The following OPCML variants were observed in gnomAD, a reference collection of about 807,000 sequenced individuals.
OPCML encodes the protein opioid binding protein/cell adhesion molecule like.
In OPCML, 13 loss-of-function variants were observed where a neutral mutation model predicts 37.8. The ratio of observed to expected loss-of-function variants is 0.34; its 90% CI spans 0.22 to 0.55. The LOEUF (loss-of-function observed/expected upper bound fraction) is 0.55. Among genes scored for constraint, OPCML ranks in the 20% least tolerant of loss-of-function variants. The probability of loss-of-function intolerance (pLI) is 0.91; values close to 1 mark genes in which losing one functional copy is unlikely to be tolerated. For missense variants in OPCML, 341 were observed against 435.6 expected (o/e 0.78, Z 1.93); for synonymous variants, 176 against 168.8 (o/e 1.04, Z -0.33).
intron 1 of OPCML, among the ~76,000 whole-genome samples, chr11:133,367,683 C>T (rs1393319910): frequency 6.6e-6 from 1 of 152,222 alleles, no homozygotes; most frequent in Non-Finnish European, 1.5e-5. Flanking sequence ...CAAATCCCAT[C>T]TGTTTCTACT....
intron 3 of OPCML, among the ~76,000 whole-genome samples, chr11:132,623,943 G>A (rs1352914650): frequency 2.6e-5 from 4 of 152,306 alleles, no homozygotes; most frequent in Middle Eastern, 3.4e-3. Context: ...ACCATTAGTC[G>A]TGTTGGATGG....
chr11:133,265,729 G>A (rs1377855543), intron 1 of OPCML, among the ~76,000 whole-genome samples: 1 of 152,140 alleles, frequency 6.6e-6, no homozygotes, highest in Non-Finnish European at 1.5e-5. Flanking sequence ...TACCACAGAC[G>A]CTGCCGGCGC....
At position 132,834,005 on chromosome 11, in the gene OPCML, G is replaced by A. The variant is rs762500129; in HGVS notation, c.146+108921C>T. ...AGAGATGCTAACTCTTGACCTATGG[G>A]TGCCCTTCTTATAGACAATTTTTGA... On this transcript the variant is annotated intron_variant, in intron 2 of 7. Transcript: ENST00000524381. Among the ~76,000 whole-genome samples the A allele has an allele frequency of 3.5e-4, 53 of 152,158 alleles. 1 individual carries two copies. Among genetic ancestry groups the A allele is most frequent in the Admixed American group, 2.6e-4 (4 of 15,282 alleles).
chr11:132,457,307 A>G (rs1484884741), intron 4 of OPCML, among the ~76,000 whole-genome samples: 1 of 152,224 alleles, frequency 6.6e-6, no homozygotes, highest in Non-Finnish European at 1.5e-5. Flanking sequence ...GATAGGTAAT[A>G]AGACCAATAA....
At chr11:132,980,810 G>C (rs1946564351) in intron 1 of OPCML, among the ~76,000 whole-genome samples, 1 of 152,092 alleles carries the variant, frequency 6.6e-6, no homozygotes, top group Non-Finnish European at 1.5e-5. Flanking sequence ...TTTCCCTGTG[G>C]GCAAAAAGGA....
intron 2 of OPCML, among the ~76,000 whole-genome samples, chr11:132,816,280 C>T (rs927351700): frequency 2.0e-4 from 31 of 152,040 alleles, no homozygotes; most frequent in African/African-American, 7.0e-4. Context: ...TTGTAAAGGG[C>T]CAGATAATAA....
chr11:132,817,474 G>C (rs368724764), intron 2 of OPCML, among the ~76,000 whole-genome samples: 1,695 of 151,656 alleles, frequency 0.011, 28 homozygotes, highest in African/African-American at 0.039. Context: ...TTTTGTCTTT[G>C]GAAAAAAAAT....
chr11:132,667,159 T>G (rs1942260961), intron 2 of OPCML, among the ~76,000 whole-genome samples: 1 of 152,174 alleles, frequency 6.6e-6, no homozygotes. Flanking sequence ...GGCAATTAGG[T>G]TCTTCAAAGG....
chr11:133,055,763 A>G (rs1948224857), intron 1 of OPCML, among the ~76,000 whole-genome samples: 2 of 149,360 alleles, frequency 1.3e-5, no homozygotes, highest in East Asian at 2.0e-4. Flanking sequence ...AAGTAGTGAG[A>G]CTCCATGAGG....
chr11:133,346,934 T>C (rs1944016322), intron 1 of OPCML, among the ~76,000 whole-genome samples: 1 of 152,212 alleles, frequency 6.6e-6, no homozygotes, highest in Non-Finnish European at 1.5e-5. Context: ...TAAAATTCCC[T>C]ACTGAAGACT....
rs1238269359 is a variant in OPCML, at chr11:133,333,883, TA to T, written c.61+198380del. Among the ~76,000 whole-genome samples, 10 of 151,388 alleles carry T rather than the reference TA, an allele frequency of 6.6e-5. No individual in the cohort carries two copies. In the East Asian group the frequency reaches 1.9e-3, roughly 29 times the overall value. On this transcript the variant is annotated intron_variant, in intron 1 of 7. Transcript: ENST00000524381. ...GACATATATGTGTCCAACAAGCATTTAAAAAAAAAGTTCAATATCACTGATC... is the reference window on the plus strand; with the variant it reads ...GACATATATGTGTCCAACAAGCATTTAAAAAAAAGTTCAATATCACTGATC...
chr11:132,510,168 A>C (rs2096265838), intron 4 of OPCML, among the ~76,000 whole-genome samples: 1 of 152,286 alleles, frequency 6.6e-6, no homozygotes, highest in Admixed American at 6.5e-5. Flanking sequence ...TGGTCCCTGT[A>C]ATCCCTTTGT....
At chr11:133,183,463 C>T (rs1256455005) in intron 1 of OPCML, among the ~76,000 whole-genome samples, 1 of 152,158 alleles carries the variant, frequency 6.6e-6, no homozygotes, top group Non-Finnish European at 1.5e-5. Context: ...AGAAATAAGA[C>T]TTTGCTAGTA....
chr11:133,035,621 G>C (rs2136933652), intron 1 of OPCML, among the ~76,000 whole-genome samples: 2 of 152,222 alleles, frequency 1.3e-5, no homozygotes, highest in South Asian at 4.2e-4. Flanking sequence ...CCTATTCTTG[G>C]GGACTGAATC....
intron 1 of OPCML, among the ~76,000 whole-genome samples, chr11:133,126,671 G>T (rs567643470): frequency 6.6e-6 from 1 of 152,062 alleles, no homozygotes; most frequent in Non-Finnish European, 1.5e-5. Context: ...CATATAAGCA[G>T]CCACTATTGA....
At chr11:132,987,182 T>C (rs1410060414) in intron 1 of OPCML, among the ~76,000 whole-genome samples, 2 of 152,116 alleles carry the variant, frequency 1.3e-5, no homozygotes, top group Non-Finnish European at 2.9e-5. Flanking sequence ...GGATAGTGAT[T>C]AGGAAATGAC....
intron 1 of OPCML, among the ~76,000 whole-genome samples, chr11:133,305,610 C>A (rs2136577475): frequency 6.6e-6 from 1 of 152,294 alleles, no homozygotes; most frequent in South Asian, 2.1e-4. Flanking sequence ...CCACCCTTTT[C>A]TCTCATATTT....
At chr11:133,453,383 A>T (rs1946615812) in intron 1 of OPCML, among the ~76,000 whole-genome samples, 1 of 152,218 alleles carries the variant, frequency 6.6e-6, no homozygotes, top group South Asian at 2.1e-4. Context: ...CTAGAATGTT[A>T]AACTCTGACG....
At chr11:132,782,534 C>G (rs948817779) in intron 2 of OPCML, among the ~76,000 whole-genome samples, 11 of 152,348 alleles carry the variant, frequency 7.2e-5, no homozygotes, top group Admixed American at 3.3e-4. Context: ...ATCTCACTTA[C>G]ACATGAGTAT....
Sources: gnomAD v4.1 joint callset for allele counts (sites outside exome capture counted in the v4.1 genomes callset) on GRCh38, gnomAD v4.1.1 for gene constraint, MANE v1.5 for transcripts, NCBI Gene and HGNC (gene_info 2026-07-23, HGNC 2026-07-21) for gene names.